Variants in ECH1 observed in about 807,000 individuals in gnomAD.
ECH1 encodes delta(3,5)-Delta(2,4)-dienoyl-CoA isomerase, mitochondrial.
In ECH1, 30 loss-of-function variants were observed where a neutral mutation model predicts 37.0. The observed-to-expected ratio is 0.81, with a 90% CI of 0.61 to 1.10. The LOEUF is 1.10. Ranked by LOEUF, ECH1 falls within the 50% of genes least tolerant of loss-of-function variation. The pLI is 0.00. For synonymous variants in ECH1, 178 were observed against 176.0 expected, an observed-to-expected ratio of 1.01 and a Z score of -0.09; for missense variants, 456 against 441.6, an observed-to-expected ratio of 1.03 and a Z score of -0.29.
At chr19:38,827,442 G>A (rs984670766) in intron 3 of ECH1, among the ~76,000 whole-genome samples, 6 of 152,194 alleles carry the variant, frequency 3.9e-5, no homozygotes, top group African/African-American at 1.4e-4. Context: ...TGACCACTTA[G>A]GAGAGTGGCA....
chr19:38,828,382 C>T (rs991325602), intron 3 of ECH1, among the ~76,000 whole-genome samples: 1 of 151,924 alleles, frequency 6.6e-6, no homozygotes, highest in Non-Finnish European at 1.5e-5. Flanking sequence ...CAGGCATGCA[C>T]CACCACGCCG....
Position 38,817,574 on chromosome 19 carries a change from A to G in ECH1, c.351T>C (p.Gly117=), listed in dbSNP as rs776343329. 6.3e-7 allele frequency: 1 copy of G among 1,595,112 alleles called. No individual in the cohort carries two copies. The highest frequency in any genetic ancestry group is 1.1e-5 in the South Asian group (1 of 90,148). The change falls in exon 4 of 10, where the codon GGT becomes GGC. Residue 117 remains glycine, a splice_region_variant and synonymous_variant. Coordinates refer to ENST00000221418, the MANE Select transcript of ECH1 (RefSeq NM_001398.3). ...ISGAGKMFTA[G]IDLMDMASDI... is the part of the protein sequence containing the mutation. ...CCGAAGCCATGTCCATCAGGTCAAT[A>G]CCTGGTGAGAAGGCATGATGGAGCT...
rs1197445661 is a variant in ECH1 at position 38,815,955 on chromosome 19, C to G, written c.784G>C (p.Ala262Pro). 6.2e-7 allele frequency: 1 copy of G among 1,614,134 alleles called. No individual in the cohort carries two copies. Among genetic ancestry groups the G allele is most frequent in the Non-Finnish European group, 8.5e-7 (1 of 1,180,034 alleles). ...ACGGGGCTCTTGCTGGAAATCTCGG[C>G]CGCCAGCGCTAAGGCAGCATCCAGC... ...VMLDAALALA[A>P]EISSKSPVAV... Residue 262 changes from alanine to proline, a missense_variant, in exon 9 of 10, where the codon GCC becomes CCC. Transcript: ENST00000221418.
At chr19:38,821,910 G>A (rs1600018985) in intron 3 of ECH1, among the ~76,000 whole-genome samples, 1 of 152,264 alleles carries the variant, frequency 6.6e-6, no homozygotes, top group East Asian at 1.9e-4. Context: ...AGGATCCACT[G>A]GGTGAAGCCA....
At position 38,817,535 on chromosome 19, in the gene ECH1, G is replaced by C; in HGVS notation, c.390C>G (p.Pro130=). 6.2e-7 allele frequency: 1 copy of C among 1,611,974 alleles called. No individual in the cohort carries two copies. The highest frequency in any genetic ancestry group is 1.3e-5 in the African/African-American group (1 of 74,994). The change falls in exon 4 of 10, where the codon CCC becomes CCG. Residue 130 remains proline (P), a synonymous_variant. Coordinates refer to ENST00000221418, the MANE Select transcript of ECH1 (RefSeq NM_001398.3). ...TGATCCGGGCCACATCATCTCCTTT[G>C]GGCTGCAGGATGTCCGAAGCCATGT... The part of the protein sequence containing the change: ...LMDMASDILQ[P]KGDDVARISW...
chr19:38,819,823 T>C (rs1383089045), intron 3 of ECH1, among the ~76,000 whole-genome samples: 1 of 151,798 alleles, frequency 6.6e-6, no homozygotes, highest in East Asian at 2.0e-4. Context: ...CTGGGCATGG[T>C]CACCTGTAAT....
chr19:38,820,112 G>A lies in ECH1; in HGVS notation c.350-2537C>T, dbSNP rs375206639. The A allele has an allele frequency of 1.0e-4, 41 of 395,578 alleles. No individual in the cohort carries two copies. The South Asian group carries it at 3.4e-3, about 33-fold the overall frequency. 24.5% of individuals were successfully genotyped at this position (395,578 alleles called of 1,614,324 possible). A position where few individuals can be genotyped will look rare whatever the true frequency, so the allele number is the denominator to read the frequency against. On this transcript the variant is annotated intron_variant, in intron 3 of 9. Transcript: ENST00000221418. ...GTCTCACTCTATCGCCCAGGCTGGC[G>A]TGTAGTGGCGCGATCTCGGCTCACT...
chr19:38,817,421 G>C lies in ECH1; in HGVS notation c.474+30C>G, dbSNP rs778494904. ...CTGGCCCAGGGGAGGCGCGTATGGA[G>C]AAAGATCCCCTCCAGACCCCTAGAG... On this transcript the variant is annotated intron_variant, in intron 4 of 9. Coordinates refer to ENST00000221418, the MANE Select transcript of ECH1 (RefSeq NM_001398.3). 60 of 1,611,722 alleles carry C rather than the reference G, an allele frequency of 3.7e-5. 1 individual carries two copies. The South Asian group carries it at 6.6e-4, about 18-fold the overall frequency.
chr19:38,816,211 G>C, intron 8 of ECH1, 73 bp downstream of exon 8: 2 of 1,569,838 alleles, frequency 1.3e-6, no homozygotes, highest in Non-Finnish European at 1.7e-6. Context: ...AGGAGACAAG[G>C]GGACCCGGAG....
chr19:38,819,008 T>TGTGTGTGCGTGTGTGTGTGTGTGCGC (rs371773394), intron 3 of ECH1: 3 of 324,272 alleles, frequency 9.3e-6, no homozygotes, highest in African/African-American at 7.1e-5. Flanking sequence ...TGTGTGTGTG[T>TGTGTGTGCGTGTGTGTGTGTGTGCGC]GCGGGCACGT....
chr19:38,815,814 G>C (rs755934996), intron 9 of ECH1, 43 bp downstream of exon 9: 1 of 1,613,298 alleles, frequency 6.2e-7, no homozygotes, highest in Non-Finnish European at 8.5e-7. Context: ...TTGGTCGCCT[G>C]GGGTTAGAGG....
At chr19:38,816,073 TGAA>T (rs1971571250) in intron 8 of ECH1, 66 bp from the exon 9 acceptor site, 13 of 1,595,972 alleles carry the variant, frequency 8.1e-6, no homozygotes, top group South Asian at 1.1e-5. Flanking sequence ...CTCCCGCAGA[TGAA>T]GAAGTGGCCA....
chr19:38,831,726 G>A lies in ECH1; in HGVS notation c.47C>T (p.Thr16Ile). ...TAAGGCAAGAGGTGACTCACGCCGG[G>A]TCAGTAGGTCGCGGAGTCTGCGAGA... ...VASRRLRDLL[T>I]RRLTGSNYPG... The change falls in exon 1 of 10, where the codon ACC (threonine) becomes ATC (isoleucine). Residue 16 changes from threonine (T) to isoleucine (I), a missense_variant. By Grantham distance (89) the Thr-to-Ile change is moderately conservative. Coordinates refer to ENST00000221418, the MANE Select transcript of ECH1 (RefSeq NM_001398.3). 2 of 1,613,760 alleles carry A rather than the reference G, an allele frequency of 1.2e-6. No homozygotes were observed. The highest frequency in any genetic ancestry group is 8.5e-7 in the Non-Finnish European group (1 of 1,179,936).
intron 3 of ECH1, among the ~76,000 whole-genome samples, chr19:38,825,684 CAG>C (rs1971728861): frequency 1.3e-5 from 2 of 152,146 alleles, no homozygotes; most frequent in African/African-American, 4.8e-5. Flanking sequence ...CTTAGTGGTT[CAG>C]AGAGGACAGA....
chr19:38,816,800 C>T (rs1158658859), intron 6 of ECH1: 2 of 622,018 alleles, frequency 3.2e-6, no homozygotes, highest in East Asian at 5.5e-5. Flanking sequence ...CCTGAGACCC[C>T]TTTACTGCAT....
intron 3 of ECH1, chr19:38,818,235 G>C (rs962177108): frequency 1.0e-6 from 1 of 985,224 alleles, no homozygotes; most frequent in Admixed American, 6.1e-5. Context: ...CAGACAGCCT[G>C]GGACTCAAGG....
In ECH1 at chr19:38,821,681, C is replaced by T. The variant is rs954400002; in HGVS notation, c.350-4106G>A. Among the ~76,000 whole-genome samples the T allele has an allele frequency of 1.1e-4, 17 of 152,324 alleles. No homozygotes were observed. The East Asian group carries it at 1.3e-3, about 12-fold the overall frequency. On this transcript the variant is annotated intron_variant, in intron 3 of 9. Transcript: ENST00000221418. ...GGTACACCGGGTCCCCCAGCAGTGCCGGCCCGCTGGTGCTGCACTCGAATA... is the reference window on the plus strand; with the variant it reads ...GGTACACCGGGTCCCCCAGCAGTGCTGGCCCGCTGGTGCTGCACTCGAATA...
chr19:38,815,964 C>A lies in ECH1; in HGVS notation c.775G>T (p.Ala259Ser). 1 of 1,614,092 alleles carries A rather than the reference C, an allele frequency of 6.2e-7. No individual in the cohort carries two copies. The highest frequency in any genetic ancestry group is 8.5e-7 in the Non-Finnish European group (1 of 1,180,042). ...DKEVMLDAAL[A>S]LAAEISSKSP... is the part of the protein sequence containing the mutation. ...TTGCTGGAAATCTCGGCCGCCAGCG[C>A]TAAGGCAGCATCCAGCATGACCTCT... Residue 259 changes from alanine to serine, a missense_variant, in exon 9 of 10, where the codon GCG (alanine) becomes TCG (serine). Coordinates refer to ENST00000221418, the MANE Select transcript of ECH1 (RefSeq NM_001398.3).
At chr19:38,817,208 A>G in intron 5 of ECH1, 79 bp from the exon 6 acceptor site, 1 of 1,549,704 alleles carries the variant, frequency 6.5e-7, no homozygotes, top group Middle Eastern at 1.7e-4. Context: ...GCCTCTTGGG[A>G]CACAGTCTGG....
Sources: gnomAD v4.1 joint callset for allele counts (sites outside exome capture counted in the v4.1 genomes callset) on GRCh38, gnomAD v4.1.1 for gene constraint, MANE v1.5 for transcripts, NCBI Gene and HGNC (gene_info 2026-07-23, HGNC 2026-07-21) for gene names.